The following TENT5D variants were observed in gnomAD, a reference collection of about 807,000 sequenced individuals.
TENT5D encodes terminal nucleotidyltransferase 5D.
For synonymous variants in TENT5D, 103 were observed against 100.6 expected (o/e 1.02, Z -0.15); for missense variants, 191 against 287.0 (o/e 0.67, Z 2.42).
At chrX:80,418,639 C>A (rs1931825351), upstream of TENT5D, among the ~76,000 whole-genome samples, 1 of 111,502 alleles carries the variant, frequency 9.0e-6, no homozygotes, top group Non-Finnish European at 1.9e-5. Flanking sequence ...CTTGTACTAT[C>A]TTTGTTATTA....
upstream of TENT5D, among the ~76,000 whole-genome samples, chrX:80,417,453 T>C (rs945511247): frequency 2.7e-5 from 3 of 109,662 alleles, no homozygotes; most frequent in East Asian, 8.6e-4. Flanking sequence ...TTTTTTTTTT[T>C]TTTTCCACTT....
intron 1 of TENT5D, among the ~76,000 whole-genome samples, chrX:80,421,835 A>T (rs1006302379): frequency 9.0e-5 from 10 of 111,260 alleles, no homozygotes; most frequent in African/African-American, 3.3e-4. Context: ...CTAGAAAAAA[A>T]TGCCACGTCT....
chrX:80,352,681 A>G lies in TENT5D; in HGVS notation c.-142+10117A>G, dbSNP rs1165643540. On this transcript the variant is annotated intron_variant, in intron 3 of 4. Transcript: ENST00000538312. ...CAGGGGAATGAATGCTTCTGTCTCT[A>G]TGGGGTTCCAGGTGCCGCTGGAGTA... 1.7e-4 allele frequency among the ~76,000 whole-genome samples: 15 copies of G among 90,265 alleles called. No individual in the cohort carries two copies. In the South Asian group the frequency reaches 2.2e-3, roughly 13 times the overall value. 78.4% of individuals were successfully genotyped at this position (90,265 alleles called of 115,157 possible).
At chrX:80,384,032 G>C (rs934326862) in intron 3 of TENT5D, among the ~76,000 whole-genome samples, 29 of 109,323 alleles carry the variant, frequency 2.7e-4, no homozygotes, top group Non-Finnish European at 4.9e-4. Context: ...CCAATCAATA[G>C]AAAAAGAGGG....
intron 3 of TENT5D, among the ~76,000 whole-genome samples, chrX:80,379,478 G>A (rs1450741273): frequency 9.0e-6 from 1 of 110,893 alleles, no homozygotes; most frequent in African/African-American, 3.3e-5. Context: ...GAGTTAGGGA[G>A]GATTCCCTCT....
intron 3 of TENT5D, among the ~76,000 whole-genome samples, chrX:80,357,412 C>G (rs1356401471): frequency 2.8e-5 from 3 of 108,444 alleles, no homozygotes; most frequent in Non-Finnish European, 5.7e-5. Context: ...TCCACATCCT[C>G]TCCAGCACCT....
At chrX:80,401,896 A>G (rs967701305) in intron 3 of TENT5D, among the ~76,000 whole-genome samples, 1 of 112,051 alleles carries the variant, frequency 8.9e-6, no homozygotes, top group Non-Finnish European at 1.9e-5. Flanking sequence ...TGGCATTGGC[A>G]TCAGGATAAT....
intron 3 of TENT5D, among the ~76,000 whole-genome samples, chrX:80,386,398 G>T (rs1433623638): frequency 1.8e-5 from 2 of 110,008 alleles, no homozygotes; most frequent in Non-Finnish European, 3.8e-5. Flanking sequence ...ACACACTGGG[G>T]CCTGTTGTGG....
chrX:80,352,473 C>T (rs895262716), intron 3 of TENT5D, among the ~76,000 whole-genome samples: 1 of 110,536 alleles, frequency 9.0e-6, no homozygotes, highest in Non-Finnish European at 1.9e-5. Flanking sequence ...GGGAAAACCA[C>T]CTACTCAAGC....
chrX:80,401,462 A>T (rs1931388498), intron 3 of TENT5D, among the ~76,000 whole-genome samples: 1 of 111,712 alleles, frequency 9.0e-6, no homozygotes, highest in East Asian at 2.8e-4. Flanking sequence ...TAGATGTGGT[A>T]AAAGTAGGTT....
chrX:80,391,908 G>C (rs141759499), intron 3 of TENT5D, among the ~76,000 whole-genome samples: 1,876 of 112,555 alleles, frequency 0.017, 17 homozygotes, highest in Non-Finnish European at 0.027. Flanking sequence ...ACCTGTCTTT[G>C]TTTACTCTAA....
chrX:80,356,740 A>G (rs1294269179), intron 3 of TENT5D, among the ~76,000 whole-genome samples: 1 of 111,514 alleles, frequency 9.0e-6, no homozygotes, highest in Non-Finnish European at 1.9e-5. Context: ...TAGTATAGAA[A>G]TGTAGAAAGA....
chrX:80,356,411 T>C (rs1930285177), intron 3 of TENT5D, among the ~76,000 whole-genome samples: 1 of 111,786 alleles, frequency 8.9e-6, no homozygotes, highest in African/African-American at 3.2e-5. Flanking sequence ...TTATGAGCCA[T>C]AGGTGTCTTT....
rs866858088 is a variant in TENT5D at position 80,397,012 on chromosome X, G to A, written c.-141-41598G>A. Among the ~76,000 whole-genome samples, 29 of 92,960 alleles carry A rather than the reference G, an allele frequency of 3.1e-4. 1 individual carries two copies. The highest frequency in any genetic ancestry group is 5.8e-3 in the Middle Eastern group (1 of 171). The allele number at this position is 92,960 out of a possible 115,157, so 80.7% of individuals were successfully genotyped here. On this transcript the variant is annotated intron_variant, in intron 3 of 4. Transcript: ENST00000538312. ...GCGCCCCTCACCTCCCGGACGGGGC[G>A]TCTGGCCGGGGGGGGGGCTGACCCC...
intron 3 of TENT5D, among the ~76,000 whole-genome samples, chrX:80,392,819 C>G (rs1278887747): frequency 9.0e-6 from 1 of 110,888 alleles, no homozygotes; most frequent in African/African-American, 3.3e-5. Flanking sequence ...CCCGGCCATT[C>G]TCATTTTATT....
At chrX:80,350,293 T>C (rs1349300728) in intron 3 of TENT5D, among the ~76,000 whole-genome samples, 1 of 111,717 alleles carries the variant, frequency 9.0e-6, no homozygotes, top group African/African-American at 3.3e-5. Flanking sequence ...AGTCTCTTTG[T>C]AGTTCTCTAA....
At chrX:80,385,442 A>C (rs1367924675) in intron 3 of TENT5D, among the ~76,000 whole-genome samples, 1 of 112,115 alleles carries the variant, frequency 8.9e-6, no homozygotes, top group African/African-American at 3.2e-5. Context: ...TAAAGAGTTA[A>C]ATGTTAGACC....
chrX:80,443,495 G>C, exon 3 of TENT5D: 4 of 1,210,787 alleles, frequency 3.3e-6, no homozygotes, highest in Non-Finnish European at 4.5e-6. Flanking sequence ...TATGAAAGAA[G>C]ACAGATTCTC....
chrX:80,381,526 CTCCTGGATAATA>C (rs1930866471), intron 3 of TENT5D, among the ~76,000 whole-genome samples: 1 of 112,054 alleles, frequency 8.9e-6, no homozygotes, highest in South Asian at 3.7e-4. Flanking sequence ...TGGGGAAGTT[CTCCTGGATAATA>C]TCCTGGTGAG....
Sources: gnomAD v4.1 joint callset for allele counts (sites outside exome capture counted in the v4.1 genomes callset) on GRCh38, gnomAD v4.1.1 for gene constraint, MANE v1.5 for transcripts, NCBI Gene and HGNC (gene_info 2026-07-23, HGNC 2026-07-21) for gene names.